The following SHROOM3 variants were observed in gnomAD, a reference collection of about 807,000 sequenced individuals.
The protein encoded by SHROOM3 is protein Shroom3.
In SHROOM3, 47 loss-of-function variants were observed where a neutral mutation model predicts 138.6. That is an observed-to-expected ratio of 0.34 (90% CI 0.27 to 0.43). The LOEUF (loss-of-function observed/expected upper bound fraction) is 0.43, where lower values mean the gene tolerates loss of function less well. Among genes scored for constraint, SHROOM3 ranks in the 20% least tolerant of loss-of-function variants. The pLI, the probability that SHROOM3 is intolerant of heterozygous loss-of-function variation, is 1.00. For synonymous variants in SHROOM3, 1,062 were observed against 1,063.3 expected (o/e 1.00, Z 0.02); for missense variants, 2,491 against 2,596.5 (o/e 0.96, Z 0.88).
intron 4 of SHROOM3, among the ~76,000 whole-genome samples, chr4:76,735,864 AAAAAATATATATATATATATATAT>A (rs1721045281): frequency 6.3e-5 from 1 of 15,762 alleles, no homozygotes; most frequent in African/African-American, 2.0e-4. Context: ...AAAAAAAAAA[AAAAAATATATATATATATATATAT>A]ATATATATAT....
chr4:76,749,222 T>C (rs1721545707), intron 6 of SHROOM3, 132 bp downstream of exon 6: 2 of 822,008 alleles, frequency 2.4e-6, no homozygotes, highest in East Asian at 2.6e-5. Context: ...GTCTAGGCCA[T>C]GGATAACTTT....
At chr4:76,735,502 T>TA (rs1721011532) in intron 4 of SHROOM3, among the ~76,000 whole-genome samples, 8 of 151,944 alleles carry the variant, frequency 5.3e-5, no homozygotes, top group Admixed American at 5.2e-4. Flanking sequence ...TGATTAGAGA[T>TA]ATGTGTAACA....
intron 2 of SHROOM3, among the ~76,000 whole-genome samples, chr4:76,567,575 G>A (rs1052080367): frequency 2.6e-5 from 4 of 152,266 alleles, no homozygotes; most frequent in Admixed American, 6.5e-5. Context: ...GCGTGAACCC[G>A]GAAGGCAGAG....
intron 1 of SHROOM3, among the ~76,000 whole-genome samples, chr4:76,541,198 A>G (rs1733090164): frequency 6.6e-6 from 1 of 152,238 alleles, no homozygotes. Context: ...ATGAATAAAT[A>G]CAGCAGAATT....
chr4:76,550,742 T>G (rs1733336242), intron 1 of SHROOM3, among the ~76,000 whole-genome samples: 1 of 152,078 alleles, frequency 6.6e-6, no homozygotes, highest in Non-Finnish European at 1.5e-5. Context: ...CTTTCATCTG[T>G]AATCCCAGAA....
chr4:76,647,484 T>C (rs1249127649), intron 2 of SHROOM3, among the ~76,000 whole-genome samples: 2 of 152,192 alleles, frequency 1.3e-5, no homozygotes, highest in Non-Finnish European at 2.9e-5. Context: ...TCCAACTTAA[T>C]CATTACACAT....
At chr4:76,525,523 A>G (rs1027662871) in intron 1 of SHROOM3, among the ~76,000 whole-genome samples, 1 of 152,204 alleles carries the variant, frequency 6.6e-6, no homozygotes. Flanking sequence ...CAGGTATGTA[A>G]TGACATCTCA....
chr4:76,625,633 C>T, intron 2 of SHROOM3, among the ~76,000 whole-genome samples: 1 of 152,170 alleles, frequency 6.6e-6, no homozygotes, highest in East Asian at 1.9e-4. Flanking sequence ...CAGCATCCTT[C>T]CTTTCCTACT....
rs760142652 is a variant in SHROOM3, at chr4:76,741,254, C to G, written c.3081C>G (p.Asn1027Lys). 4 of 1,611,778 alleles carry G rather than the reference C, an allele frequency of 2.5e-6. No homozygotes were observed. ...CCTACTCGGAGCCCGAGAAGATGAA[C>G]GAGGTGGGGATCGTGGAGGAGGCCG... ...KRSYSEPEKM[N>K]EVGIVEEAEP... The change falls in exon 5 of 11, where the codon AAC becomes AAG. Residue 1027 changes from asparagine to lysine, a missense_variant. Transcript: ENST00000296043. This position sits in a 1 kb window ranked among gnomAD's most constrained non-coding sequence, Gnocchi z 6.2.
chr4:76,482,745 A>G (rs1441270262), intron 1 of SHROOM3, among the ~76,000 whole-genome samples: 1 of 152,208 alleles, frequency 6.6e-6, no homozygotes, highest in African/African-American at 2.4e-5. Flanking sequence ...CCTAACTTCA[A>G]ACTATACTAT....
At chr4:76,534,308 T>C (rs978121476) in intron 1 of SHROOM3, among the ~76,000 whole-genome samples, 22 of 152,344 alleles carry the variant, frequency 1.4e-4, no homozygotes, top group Admixed American at 4.6e-4. Context: ...TTCTAAGCTA[T>C]TGGGGGCAGA....
At chr4:76,541,818 A>G (rs962537330) in intron 1 of SHROOM3, among the ~76,000 whole-genome samples, 2 of 152,180 alleles carry the variant, frequency 1.3e-5, no homozygotes, top group Admixed American at 6.5e-5. Flanking sequence ...CACCAGGAAC[A>G]CAAAAGACTC....
chr4:76,770,558 G>T (rs915896615), intron 9 of SHROOM3, 68 bp from the exon 10 acceptor site: 3 of 1,588,718 alleles, frequency 1.9e-6, no homozygotes, highest in Non-Finnish European at 2.6e-6. Flanking sequence ...GGTGGCTGGG[G>T]GAGGTGACTT....
chr4:76,435,818 G>C lies in SHROOM3; in HGVS notation c.-235G>C. On this transcript the variant is annotated 5_prime_UTR_variant, in exon 1 of 11. Coordinates refer to ENST00000296043, the MANE Select transcript of SHROOM3 (RefSeq NM_020859.4). ...ACTTGGGGGCTTCAGTGAGAACCCAGAATTCCTGGAGGAGGATTTACATTC... is the reference window on the plus strand; with the variant it reads ...ACTTGGGGGCTTCAGTGAGAACCCACAATTCCTGGAGGAGGATTTACATTC... 2.0e-6 allele frequency: 1 copy of C among 495,518 alleles called. No homozygotes were observed. The highest frequency in any genetic ancestry group is 2.9e-5 in the South Asian group (1 of 34,966). The allele number at this position is 495,518 out of a possible 1,614,324, so 30.7% of individuals were successfully genotyped here.
At chr4:76,552,532 A>G (rs1733387224) in intron 1 of SHROOM3, among the ~76,000 whole-genome samples, 1 of 150,740 alleles carries the variant, frequency 6.6e-6, no homozygotes, top group Admixed American at 6.6e-5. Context: ...ATGTATATAG[A>G]TATATCAATT....
intron 1 of SHROOM3, among the ~76,000 whole-genome samples, chr4:76,455,616 T>A: frequency 6.6e-6 from 1 of 152,092 alleles, no homozygotes; most frequent in Non-Finnish European, 1.5e-5. Context: ...GACATGAGCA[T>A]GAAATTCACA....
In SHROOM3 at chr4:76,754,731, G is replaced by A. The variant is rs539069944; in HGVS notation, c.4248G>A (p.Thr1416=). The A allele has an allele frequency of 3.7e-6, 6 of 1,614,194 alleles. No individual in the cohort carries two copies. Among genetic ancestry groups the A allele is most frequent in the African/African-American group, 1.3e-5 (1 of 75,046 alleles). The change falls in exon 7 of 11, where the codon ACG becomes ACA. Residue 1416 remains threonine, a synonymous_variant. Coordinates refer to ENST00000296043, the MANE Select transcript of SHROOM3 (RefSeq NM_020859.4). ...CAGAGCATGGGGTAGAAGAGGGAAC[G>A]AGGAAGAGGGTCTCGCTGCCTCAGT... ...DGPEHGVEEG[T]RKRVSLPQWP...
intron 2 of SHROOM3, chr4:76,688,845 A>G: frequency 1.0e-6 from 1 of 985,320 alleles, no homozygotes; most frequent in Non-Finnish European, 1.2e-6. Context: ...GGAAACAAAA[A>G]CAGGCCCGGA....
rs771245054 is a variant in SHROOM3 at position 76,740,930 on chromosome 4, C to T, written c.2757C>T (p.Pro919=). 1.3e-6 allele frequency: 2 copies of T among 1,498,056 alleles called. No individual in the cohort carries two copies. Among genetic ancestry groups the T allele is most frequent in the African/African-American group, 1.4e-5 (1 of 71,088 alleles). 92.8% of individuals were successfully genotyped at this position (1,498,056 alleles called of 1,614,324 possible). A position where few individuals can be genotyped will look rare whatever the true frequency, so the allele number is the denominator to read the frequency against. Residue 919 remains proline (P), a synonymous_variant, in exon 5 of 11, where the codon CCC becomes CCT. Coordinates refer to ENST00000296043, the MANE Select transcript of SHROOM3 (RefSeq NM_020859.4). The surrounding 1 kb of genome is among the most constrained non-coding windows in gnomAD (Gnocchi z 4.0). ...CCGAATCGCCCCTGCTGGATGCCCC[C>T]TTCAGCCGCGCCTACCGGAACAGCA... The part of the protein sequence containing the change: ...GSPESPLLDA[P]FSRAYRNSIK...
Sources: gnomAD v4.1 joint callset for allele counts (sites outside exome capture counted in the v4.1 genomes callset) on GRCh38, gnomAD v4.1.1 for gene constraint, Gnocchi (gnomAD v3.1) non-coding constraint, MANE v1.5 for transcripts, NCBI Gene and HGNC (gene_info 2026-07-23, HGNC 2026-07-21) for gene names.